The following CAST variants were observed in gnomAD, a reference collection of about 807,000 sequenced individuals.
CAST encodes the protein MIR583 host.
Under a neutral mutation model 119.6 loss-of-function variants are expected in CAST, and 76 were observed. The observed-to-expected ratio is 0.64, with a 90% confidence interval of 0.53 to 0.77. The LOEUF (loss-of-function observed/expected upper bound fraction) is 0.77, where lower values mean the gene tolerates loss of function less well. Ranked by LOEUF, CAST falls within the 30% of genes least tolerant of loss-of-function variation. CAST has a pLI of 0.00. For synonymous variants in CAST, 319 were observed against 331.6 expected, an observed-to-expected ratio of 0.96 and a Z score of 0.41; for missense variants, 953 against 946.5, an observed-to-expected ratio of 1.01 and a Z score of -0.09.
the CAST span, among the ~76,000 whole-genome samples, chr5:96,251,418 G>C: frequency 7.5e-3 from 1,149 of 152,202 alleles, 11 homozygotes; most frequent in African/African-American, 0.025. Context: ...CCTACAAGTT[G>C]ATCTAACCAC....
At chr5:96,108,781 A>G in the CAST span, among the ~76,000 whole-genome samples, 3 of 152,130 alleles carry the variant, frequency 2.0e-5, no homozygotes, top group Non-Finnish European at 4.4e-5. Flanking sequence ...TGCTTTGTTT[A>G]CCTAAGCAAG....
chr5:96,599,724 A>G (rs994298359), intron 1 of CAST, among the ~76,000 whole-genome samples: 7 of 152,094 alleles, frequency 4.6e-5, no homozygotes, highest in Admixed American at 2.6e-4. Context: ...ACCAACTCTG[A>G]TTAATTCTGT....
At chr5:96,245,634 A>C in the CAST span, among the ~76,000 whole-genome samples, 2 of 152,104 alleles carry the variant, frequency 1.3e-5, no homozygotes, top group Non-Finnish European at 2.9e-5. Flanking sequence ...AAAAAAAAAA[A>C]AAACAAATAG....
chr5:96,703,557 C>T (rs1754316252), intron 3 of CAST, among the ~76,000 whole-genome samples: 1 of 152,184 alleles, frequency 6.6e-6, no homozygotes, highest in Non-Finnish European at 1.5e-5. Context: ...TTAACTTTCT[C>T]TTCTGTATGG....
the CAST span, among the ~76,000 whole-genome samples, chr5:96,368,095 A>G: frequency 1.8e-4 from 28 of 152,180 alleles, 1 homozygote; most frequent in African/African-American, 6.5e-4. Context: ...TGAACCTTAT[A>G]GTATCCTTTA....
At chr5:96,164,059 C>CTTACTATTGAAGTG in the CAST span, among the ~76,000 whole-genome samples, 1 of 152,138 alleles carries the variant, frequency 6.6e-6, no homozygotes, top group Non-Finnish European at 1.5e-5. Context: ...GAGACTAGTG[C>CTTACTATTGAAGTG]CTGACTTCAA....
chr5:96,591,077 G>A (rs1176387412), intron 1 of CAST, among the ~76,000 whole-genome samples: 1 of 152,164 alleles, frequency 6.6e-6, no homozygotes, highest in Non-Finnish European at 1.5e-5. Flanking sequence ...GAAGCATAAA[G>A]TGCTCCTCTC....
At chr5:96,380,352 A>G in the CAST span, among the ~76,000 whole-genome samples, 2 of 152,190 alleles carry the variant, frequency 1.3e-5, no homozygotes, top group Non-Finnish European at 2.9e-5. Context: ...CCTTGAATAT[A>G]TGCCTTTTAA....
the CAST span, among the ~76,000 whole-genome samples, chr5:96,115,090 G>A: frequency 6.6e-6 from 1 of 152,152 alleles, no homozygotes; most frequent in African/African-American, 2.4e-5. Flanking sequence ...TTTAGTACAT[G>A]ATCATAACTA....
the CAST span, among the ~76,000 whole-genome samples, chr5:96,188,482 G>A: frequency 1.3e-5 from 2 of 151,876 alleles, no homozygotes; most frequent in East Asian, 1.9e-4. Context: ...TTGATATTAT[G>A]TTATTAATTT....
intron 1 of CAST, among the ~76,000 whole-genome samples, chr5:96,612,387 T>G (rs1747379744): frequency 1.3e-5 from 2 of 152,056 alleles, no homozygotes; most frequent in African/African-American, 2.4e-5. Context: ...ATTGCATGCA[T>G]GTGGGCATAA....
At chr5:96,405,164 G>C in the CAST span, among the ~76,000 whole-genome samples, 2 of 152,134 alleles carry the variant, frequency 1.3e-5, no homozygotes, top group African/African-American at 2.4e-5. Context: ...TGGCAGTAAG[G>C]ATATAAATGT....
At chr5:96,538,060 C>T (rs1036718942) in intron 1 of CAST, among the ~76,000 whole-genome samples, 1 of 149,930 alleles carries the variant, frequency 6.7e-6, no homozygotes, top group Non-Finnish European at 1.5e-5. Flanking sequence ...CTCTGAAAAC[C>T]CCAGTCAGAG....
rs1400000299 is a variant in CAST at position 96,773,680 on chromosome 5, G to A, written c.*1064G>A. The A allele has an allele frequency of 6.6e-6, 1 of 152,168 alleles. No homozygotes were observed. Among genetic ancestry groups the A allele is most frequent in the Non-Finnish European group, 1.5e-5 (1 of 68,004 alleles). 9.4% of individuals were successfully genotyped at this position (152,168 alleles called of 1,614,324 possible). A position where few individuals can be genotyped will look rare whatever the true frequency, so the allele number is the denominator to read the frequency against. ...GTAGGCTCTGATGTCCTACCACTTT[G>A]AATGGTTTTCTAATATCTTAATGAA... is the stretch of plus-strand genomic sequence containing the variant. On this transcript the variant is annotated 3_prime_UTR_variant, in exon 32 of 32. Transcript: ENST00000675179.
the CAST span, among the ~76,000 whole-genome samples, chr5:96,248,690 C>T: frequency 0.52 from 78,978 of 152,004 alleles, 21,790 homozygotes; most frequent in African/African-American, 0.7. Flanking sequence ...TTTTAAATGC[C>T]AATGAGACCA....
At chr5:96,488,220 A>G in the CAST span, among the ~76,000 whole-genome samples, 1 of 152,208 alleles carries the variant, frequency 6.6e-6, no homozygotes, top group Non-Finnish European at 1.5e-5. Context: ...ACAGGTTTGA[A>G]GTAAGCATAA....
the CAST span, among the ~76,000 whole-genome samples, chr5:96,106,185 GCT>G: frequency 5.6e-3 from 851 of 152,102 alleles, 12 homozygotes; most frequent in African/African-American, 0.02. Flanking sequence ...CAAAAAACTA[GCT>G]CCTGGATTCA....
chr5:96,491,786 A>C, the CAST span, among the ~76,000 whole-genome samples: 7 of 152,174 alleles, frequency 4.6e-5, no homozygotes, highest in African/African-American at 1.7e-4. Flanking sequence ...ATGATAAATA[A>C]ATTGTGCTGT....
At chr5:96,171,791 T>C in the CAST span, among the ~76,000 whole-genome samples, 1 of 152,030 alleles carries the variant, frequency 6.6e-6, no homozygotes, top group Non-Finnish European at 1.5e-5. Context: ...AAAAAGAGGG[T>C]GCTTACCCGA....
Sources: allele counts gnomAD v4.1 joint callset (sites outside exome capture counted in the v4.1 genomes callset), GRCh38; gene constraint gnomAD v4.1.1; transcripts MANE v1.5; gene names NCBI Gene and HGNC (gene_info 2026-07-23, HGNC 2026-07-21).